LATS2: variants seen among roughly 807,000 people sequenced by gnomAD.
LATS2 encodes the protein large tumor suppressor kinase 2, also known as serine/threonine-protein kinase LATS2.
In LATS2, 24 loss-of-function variants were observed where a neutral mutation model predicts 76.0. That is an observed-to-expected ratio of 0.32 (90% CI 0.23 to 0.44). LATS2 has a LOEUF of 0.44. Among genes scored for constraint, LATS2 ranks in the 20% least tolerant of loss-of-function variants. LATS2 has a pLI of 1.00. For synonymous variants in LATS2, 692 were observed against 635.4 expected (o/e 1.09, Z -1.34); for missense variants, 1,286 against 1,481.2 (o/e 0.87, Z 2.16).
At chr13:21,042,978 C>A (rs529343119) in intron 2 of LATS2, among the ~76,000 whole-genome samples, 4 of 138,040 alleles carry the variant, frequency 2.9e-5, no homozygotes, top group Admixed American at 7.1e-5. Context: ...AGCGAGACTC[C>A]GTCTCAAAAA....
chr13:21,054,917 T>A (rs1370900739), intron 1 of LATS2, among the ~76,000 whole-genome samples: 1 of 152,216 alleles, frequency 6.6e-6, no homozygotes, highest in Admixed American at 6.5e-5. Context: ...TGATTTTTTC[T>A]CCATCTCCCA....
chr13:20,991,192 G>T lies in LATS2; in HGVS notation c.475+80C>A, dbSNP rs1870492404. On this transcript the variant is annotated intron_variant, in intron 3 of 7. Coordinates refer to ENST00000382592, the MANE Select transcript of LATS2 (RefSeq NM_014572.3). The surrounding 1 kb of genome is among the most constrained non-coding windows in gnomAD (Gnocchi z 4.9). ...ACTGGCTCTGGCCAGGCCAGGCCAG[G>T]TTGGACCCCTCTGCACGTGGTTTTG... 1 of 1,561,258 alleles carries T rather than the reference G, an allele frequency of 6.4e-7. No individual in the cohort carries two copies.
At chr13:21,025,887 G>A (rs1231981237) in intron 2 of LATS2, among the ~76,000 whole-genome samples, 2 of 152,138 alleles carry the variant, frequency 1.3e-5, no homozygotes, top group African/African-American at 2.4e-5. Context: ...TTCACCAACC[G>A]TGACTCTCTG....
rs1046817384 is a variant in LATS2 at position 20,988,126 on chromosome 13, C to T, written c.1654G>A (p.Glu552Lys). Residue 552 changes from glutamate (E) to lysine (K), a missense_variant, in exon 4 of 8, where the codon GAG (glutamate) becomes AAG (lysine). Physicochemically the swap from Glu to Lys is moderately conservative, Grantham distance 56. This residue lies in a region of LATS2 where 710 missense variants were observed against 660.9 expected (regional missense o/e 1.07). Coordinates refer to ENST00000382592, the MANE Select transcript of LATS2 (RefSeq NM_014572.3). ...CTTTTGCGGCTCTTGTCGCCGCCCT[C>T]GGGCTCGTTGGGGCCCGCACGGAGG... ...QSLRAGPNEPEGGDKSRKSAK... is the reference protein window; with the variant it reads ...QSLRAGPNEPKGGDKSRKSAK... The T allele has an allele frequency of 6.2e-7, 1 of 1,614,254 alleles. No homozygotes were observed. Among genetic ancestry groups the T allele is most frequent in the Non-Finnish European group, 8.5e-7 (1 of 1,180,044 alleles).
intron 2 of LATS2, among the ~76,000 whole-genome samples, chr13:20,998,018 C>G (rs1870834488): frequency 6.6e-6 from 1 of 152,092 alleles, no homozygotes. Flanking sequence ...GCACTCTGGC[C>G]CTATCGTGTC....
At chr13:21,016,207 G>T (rs1189221480) in intron 2 of LATS2, among the ~76,000 whole-genome samples, 1 of 151,810 alleles carries the variant, frequency 6.6e-6, no homozygotes, top group African/African-American at 2.4e-5. Flanking sequence ...GGCTGGTCTT[G>T]AACTCCTGAC....
chr13:21,045,792 C>T lies in LATS2; in HGVS notation c.235G>A (p.Glu79Lys). Residue 79 changes from glutamate (E) to lysine (K), a missense_variant, in exon 2 of 8, where the codon GAA becomes AAA. Glu to Lys is a moderately conservative substitution (Grantham distance 56). Transcript: ENST00000382592. ...AAAGGCAACAAGGAATATCTGATTT[C>T]CCTCAAGGCTTTCTGATAAGGTCCG... ...KFGPYQKALR[E>K]IRYSLLPFAN... The T allele has an allele frequency of 6.2e-7, 1 of 1,614,248 alleles. No individual in the cohort carries two copies. Among genetic ancestry groups the T allele is most frequent in the Non-Finnish European group, 8.5e-7 (1 of 1,180,044 alleles).
At chr13:21,001,066 T>A (rs934755462) in intron 2 of LATS2, among the ~76,000 whole-genome samples, 1 of 152,210 alleles carries the variant, frequency 6.6e-6, no homozygotes, top group African/African-American at 2.4e-5. Context: ...TGTGGACAGA[T>A]CACAAAAATT....
intron 2 of LATS2, among the ~76,000 whole-genome samples, chr13:21,043,447 A>G (rs1168364463): frequency 6.6e-6 from 1 of 152,214 alleles, no homozygotes; most frequent in Non-Finnish European, 1.5e-5. Flanking sequence ...GGGTTCACAT[A>G]ATGACTTTCC....
intron 2 of LATS2, among the ~76,000 whole-genome samples, chr13:21,002,264 T>C (rs1871083370): frequency 6.6e-6 from 1 of 152,142 alleles, no homozygotes; most frequent in African/African-American, 2.4e-5. Flanking sequence ...TCTAAGATGG[T>C]TGGTTACACA....
At position 20,988,176 on chromosome 13, in the gene LATS2, C is replaced by G; in HGVS notation, c.1604G>C (p.Ser535Thr). 1 of 1,613,710 alleles carries G rather than the reference C, an allele frequency of 6.2e-7. No individual in the cohort carries two copies. The highest frequency in any genetic ancestry group is 8.5e-7 in the Non-Finnish European group (1 of 1,179,950). ...GCTCTGCTCCATGCCTGCGCACAGG[C>G]TGTCCAGGTCGTACTGCTCCGACTT... is the stretch of plus-strand genomic sequence containing the variant. ...RSKSEQYDLD[S>T]LCAGMEQSLR... is the part of the protein sequence containing the mutation. Residue 535 changes from serine (S) to threonine (T), a missense_variant, in exon 4 of 8, where the codon AGC becomes ACC. Ser to Thr is a moderately conservative substitution (Grantham distance 58, BLOSUM62 1). Transcript: ENST00000382592.
intron 4 of LATS2, among the ~76,000 whole-genome samples, chr13:20,984,550 AT>A (rs1373347750): frequency 6.6e-6 from 1 of 152,162 alleles, no homozygotes; most frequent in Non-Finnish European, 1.5e-5. Flanking sequence ...GGATATCTGG[AT>A]TTCTGTACAC....
At chr13:20,993,409 C>A (rs1195477521) in intron 2 of LATS2, among the ~76,000 whole-genome samples, 2 of 152,182 alleles carry the variant, frequency 1.3e-5, no homozygotes, top group Non-Finnish European at 2.9e-5. Flanking sequence ...CATATGCCAG[C>A]AGAATGGCAG....
In LATS2 at chr13:20,992,573, G is replaced by A. The variant is rs376833482; in HGVS notation, c.343-1169C>T. ...GAAAAGAACACCGTTGAGGCTGGCTGTGGGACAAGGGCAAAAACAGGCAAA... is the reference window on the plus strand; with the variant it reads ...GAAAAGAACACCGTTGAGGCTGGCTATGGGACAAGGGCAAAAACAGGCAAA... On this transcript the variant is annotated intron_variant, in intron 2 of 7. Transcript: ENST00000382592. Among the ~76,000 whole-genome samples, 7 of 152,236 alleles carry A rather than the reference G, an allele frequency of 4.6e-5. No individual in the cohort carries two copies. In the East Asian group the frequency reaches 5.8e-4, roughly 13 times the overall value.
intron 1 of LATS2, among the ~76,000 whole-genome samples, chr13:21,051,845 T>C (rs1025957941): frequency 6.6e-6 from 1 of 151,102 alleles, no homozygotes; most frequent in Admixed American, 6.7e-5. Context: ...TGGTCCCAGC[T>C]ACTCCGGAGG....
intron 2 of LATS2, among the ~76,000 whole-genome samples, chr13:21,019,368 C>A (rs1053019150): frequency 2.7e-5 from 4 of 149,432 alleles, no homozygotes; most frequent in Non-Finnish European, 5.9e-5. Context: ...CTCTTGTAGC[C>A]CACGCTGGAG....
rs9580000 is a variant in LATS2 at position 21,037,989 on chromosome 13, C to T, written c.342+7696G>A. The stretch of plus-strand genomic sequence containing the variant: ...ATGAGGGGGGCTAGACACGGTGGCC[C>T]ACGTTTGTAGTCCCAGCTACCTGGG... On this transcript the variant is annotated intron_variant, in intron 2 of 7. Coordinates refer to ENST00000382592, the MANE Select transcript of LATS2 (RefSeq NM_014572.3). Among the ~76,000 whole-genome samples the T allele has an allele frequency of 4.6e-3, 706 of 152,242 alleles. 10 individuals carry two copies. Among genetic ancestry groups the T allele is most frequent in the African/African-American group, 0.016 (675 of 41,540 alleles).
At position 21,045,793 on chromosome 13, in the gene LATS2, C is replaced by T. The variant is rs756901277; in HGVS notation, c.234G>A (p.Arg78=). The change falls in exon 2 of 8, where the codon AGG becomes AGA. Residue 78 remains arginine (R), a synonymous_variant. Transcript: ENST00000382592. ...PKFGPYQKAL[R]EIRYSLLPFA... ...AAGGCAACAAGGAATATCTGATTTC[C>T]CTCAAGGCTTTCTGATAAGGTCCGA... 9.3e-6 allele frequency: 15 copies of T among 1,614,078 alleles called. No homozygotes were observed. The highest frequency in any genetic ancestry group is 1.2e-5 in the Non-Finnish European group (14 of 1,180,056).
intron 2 of LATS2, among the ~76,000 whole-genome samples, chr13:21,017,107 T>C (rs1871831154): frequency 6.6e-6 from 1 of 152,188 alleles, no homozygotes; most frequent in African/African-American, 2.4e-5. Flanking sequence ...ATCCCAGTGG[T>C]GGTTACTGGA....
Sources: gnomAD v4.1 joint callset for allele counts (sites outside exome capture counted in the v4.1 genomes callset) on GRCh38, gnomAD v4.1.1 for gene constraint, gnomAD v4.1.1 regional missense constraint, Gnocchi (gnomAD v3.1) non-coding constraint, MANE v1.5 for transcripts, NCBI Gene and HGNC (gene_info 2026-07-23, HGNC 2026-07-21) for gene names.